The following PDSS2 variants were observed in gnomAD, a reference collection of about 807,000 sequenced individuals.
PDSS2 encodes the protein decaprenyl diphosphate synthase subunit 2.
In PDSS2, 31 loss-of-function variants were observed where a neutral mutation model predicts 44.5. The ratio of observed to expected loss-of-function variants is 0.70; its 90% CI spans 0.52 to 0.94. The LOEUF (loss-of-function observed/expected upper bound fraction) is 0.94, where lower values mean the gene tolerates loss of function less well. Ranked by LOEUF, PDSS2 falls within the 40% of genes least tolerant of loss-of-function variation. PDSS2 has a pLI of 0.00. For synonymous variants in PDSS2, 157 were observed against 180.3 expected, an observed-to-expected ratio of 0.87 and a Z score of 1.03; for missense variants, 452 against 482.2, an observed-to-expected ratio of 0.94 and a Z score of 0.59.
chr6:107,341,082 T>C (rs1036132565), intron 1 of PDSS2, among the ~76,000 whole-genome samples: 3 of 152,114 alleles, frequency 2.0e-5, no homozygotes, highest in African/African-American at 7.2e-5. Context: ...GGTGCTATGT[T>C]GTGTACGGTG....
At chr6:107,205,710 C>T (rs529035949) in intron 6 of PDSS2, among the ~76,000 whole-genome samples, 2 of 152,172 alleles carry the variant, frequency 1.3e-5, no homozygotes, top group Non-Finnish European at 2.9e-5. Flanking sequence ...TGTGTGTCAA[C>T]ATGCACATGC....
intron 4 of PDSS2, among the ~76,000 whole-genome samples, chr6:107,228,443 C>T (rs1362852690): frequency 2.0e-5 from 3 of 152,134 alleles, no homozygotes; most frequent in Non-Finnish European, 4.4e-5. Context: ...CCTGTAATCC[C>T]AGCACTTTGG....
chr6:107,175,134 C>T (rs920960728), intron 7 of PDSS2, among the ~76,000 whole-genome samples: 2 of 151,790 alleles, frequency 1.3e-5, no homozygotes, highest in Non-Finnish European at 2.9e-5. Flanking sequence ...ATTGCTTGAA[C>T]CTGGGAGGTG....
rs685971 is a variant in PDSS2, at chr6:107,402,370, G to A, written c.296+56620C>T. ...ATGGGACTATATAAAACAATCAAAC[G>A]TATAAATCATAGTGTATTAGTCTGT... On this transcript the variant is annotated intron_variant, in intron 1 of 7. Coordinates refer to ENST00000369037, the MANE Select transcript of PDSS2 (RefSeq NM_020381.4). Among the ~76,000 whole-genome samples the A allele has an allele frequency of 3.0e-3, 432 of 141,646 alleles. 4 individuals carry two copies. The highest frequency in any genetic ancestry group is 0.01 in the African/African-American group (399 of 38,156). The allele number at this position is 141,646 out of a possible 152,430, so 92.9% of individuals were successfully genotyped here. A position where few individuals can be genotyped will look rare whatever the true frequency, so the allele number is the denominator to read the frequency against.
intron 1 of PDSS2, among the ~76,000 whole-genome samples, chr6:107,396,234 C>T (rs1779935417): frequency 6.6e-6 from 1 of 152,036 alleles, no homozygotes; most frequent in Non-Finnish European, 1.5e-5. Flanking sequence ...TTTTCCATAG[C>T]TCCCTCCTGT....
chr6:107,165,779 G>C (rs1582722475), intron 7 of PDSS2, among the ~76,000 whole-genome samples: 1 of 152,224 alleles, frequency 6.6e-6, no homozygotes, highest in East Asian at 1.9e-4. Context: ...TCACGATATT[G>C]ATTCTTCCTA....
At chr6:107,310,885 C>T (rs1173395099) in intron 2 of PDSS2, among the ~76,000 whole-genome samples, 4 of 151,542 alleles carry the variant, frequency 2.6e-5, no homozygotes, top group Non-Finnish European at 4.4e-5. Context: ...TTATAAAATA[C>T]ATTTAAAATT....
intron 1 of PDSS2, among the ~76,000 whole-genome samples, chr6:107,377,191 A>G (rs1025204227): frequency 6.7e-6 from 1 of 150,130 alleles, no homozygotes; most frequent in Non-Finnish European, 1.5e-5. Context: ...CAAATTTACA[A>G]GAAAAAAACA....
intron 1 of PDSS2, among the ~76,000 whole-genome samples, chr6:107,434,592 A>G (rs1679170427): frequency 6.6e-6 from 1 of 152,226 alleles, no homozygotes; most frequent in Admixed American, 6.5e-5. Flanking sequence ...GATAGTTACC[A>G]GAGGCTGGGA....
intron 1 of PDSS2, among the ~76,000 whole-genome samples, chr6:107,340,470 A>G (rs1294224078): frequency 2.0e-5 from 3 of 152,240 alleles, no homozygotes; most frequent in African/African-American, 7.2e-5. Flanking sequence ...CCTGTATTAG[A>G]TCCTCAAACC....
intron 1 of PDSS2, among the ~76,000 whole-genome samples, chr6:107,421,740 G>A (rs1047462568): frequency 2.6e-4 from 40 of 151,168 alleles, no homozygotes; most frequent in Admixed American, 5.3e-4. Context: ...TCTTCATAGC[G>A]ATGGAACAGT....
chr6:107,439,946 G>C (rs769636815), intron 1 of PDSS2, among the ~76,000 whole-genome samples: 4 of 152,000 alleles, frequency 2.6e-5, no homozygotes, highest in Non-Finnish European at 4.4e-5. Context: ...TAAGTATATG[G>C]ACAAGGTGAC....
intron 7 of PDSS2, among the ~76,000 whole-genome samples, chr6:107,173,447 A>C (rs921959008): frequency 1.3e-5 from 2 of 151,074 alleles, no homozygotes; most frequent in Non-Finnish European, 2.9e-5. Flanking sequence ...GGTGGTGCAC[A>C]CCTGTAGTCC....
At chr6:107,400,900 A>G (rs766179235) in intron 1 of PDSS2, among the ~76,000 whole-genome samples, 2 of 152,172 alleles carry the variant, frequency 1.3e-5, no homozygotes, top group Non-Finnish European at 2.9e-5. Flanking sequence ...AGGTTGCACA[A>G]ACTTTGTCTC....
At chr6:107,178,667 TACA>T (rs141071432) in intron 7 of PDSS2, among the ~76,000 whole-genome samples, 2,825 of 152,262 alleles carry the variant, frequency 0.019, 73 homozygotes, top group African/African-American at 0.059. Context: ...AGAGCCTGAA[TACA>T]ACAACAACTT....
At chr6:107,411,016 C>G (rs1357049270) in intron 1 of PDSS2, among the ~76,000 whole-genome samples, 1 of 152,044 alleles carries the variant, frequency 6.6e-6, no homozygotes, top group Non-Finnish European at 1.5e-5. Context: ...TCCCAACTAT[C>G]TGAGATTACA....
intron 1 of PDSS2, among the ~76,000 whole-genome samples, chr6:107,425,822 G>T (rs1049380357): frequency 6.6e-6 from 1 of 152,168 alleles, no homozygotes; most frequent in African/African-American, 2.4e-5. Context: ...TTAGCTGGGC[G>T]TGGTGGCAGG....
chr6:107,336,877 T>TC (rs1422833990), intron 1 of PDSS2, among the ~76,000 whole-genome samples: 25 of 70,622 alleles, frequency 3.5e-4, no homozygotes, highest in Non-Finnish European at 6.6e-4. Flanking sequence ...TGTGTGTGTG[T>TC]GTGTTCGGGG....
At chr6:107,261,578 CTTTT>C (rs36106088) in intron 3 of PDSS2, among the ~76,000 whole-genome samples, 1 of 112,842 alleles carries the variant, frequency 8.9e-6, no homozygotes. Context: ...TCTTTTCTTT[CTTTT>C]TTTTTTTTTT....
Sources: allele counts gnomAD v4.1 joint callset (sites outside exome capture counted in the v4.1 genomes callset), GRCh38; gene constraint gnomAD v4.1.1; transcripts MANE v1.5; gene names NCBI Gene and HGNC (gene_info 2026-07-23, HGNC 2026-07-21).